Variants in MDGA2 observed in about 807,000 individuals in gnomAD.
MDGA2 encodes MAM domain-containing glycosylphosphatidylinositol anchor protein 2.
In MDGA2, 40 loss-of-function variants were observed where a neutral mutation model predicts 117.8. The observed-to-expected ratio is 0.34, with a 90% CI of 0.26 to 0.44. The LOEUF is 0.44. Ranked by LOEUF, MDGA2 falls within the 20% of genes least tolerant of loss-of-function variation. MDGA2 has a pLI of 1.00. For synonymous variants in MDGA2, 452 were observed against 439.0 expected (o/e 1.03, Z -0.37); for missense variants, 1,123 against 1,250.6 (o/e 0.90, Z 1.54).
chr14:46,960,779 AT>A (rs1347833770), intron 8 of MDGA2, among the ~76,000 whole-genome samples: 6 of 147,702 alleles, frequency 4.1e-5, no homozygotes, highest in Non-Finnish European at 8.9e-5. Flanking sequence ...TTGTGTACAT[AT>A]TATACATATA....
At chr14:47,084,057 A>C (rs1172689542) in intron 6 of MDGA2, among the ~76,000 whole-genome samples, 1 of 152,174 alleles carries the variant, frequency 6.6e-6, no homozygotes, top group Non-Finnish European at 1.5e-5. Flanking sequence ...ATAGAACTCA[A>C]CTAATAGTAT....
chr14:47,602,788 G>A, intron 1 of MDGA2, among the ~76,000 whole-genome samples: 1 of 152,140 alleles, frequency 6.6e-6, no homozygotes, highest in East Asian at 1.9e-4. Context: ...CCCTTATTCA[G>A]GGCTCAAGGA....
At chr14:47,343,117 G>A (rs1890682228) in intron 1 of MDGA2, 1 of 1,233,816 alleles carries the variant, frequency 8.1e-7, no homozygotes. Flanking sequence ...CCAGATGCTC[G>A]AGGCACACAA....
intron 1 of MDGA2, among the ~76,000 whole-genome samples, chr14:47,650,613 G>T (rs190805726): frequency 2.0e-5 from 3 of 152,228 alleles, no homozygotes; most frequent in East Asian, 3.9e-4. Context: ...CCTGTCCAGG[G>T]TTGCTTCCCA....
At chr14:47,275,468 T>G (rs1246773660) in intron 2 of MDGA2, among the ~76,000 whole-genome samples, 1 of 152,152 alleles carries the variant, frequency 6.6e-6, no homozygotes, top group Admixed American at 6.5e-5. Context: ...TATATTTCTT[T>G]AAATAATTAA....
chr14:47,335,284 TAAA>T lies in MDGA2; in HGVS notation c.281-33737_281-33735del, dbSNP rs35051327. On this transcript the variant is annotated intron_variant, in intron 1 of 16. Transcript: ENST00000399232. ...ACACAGAAAAAAAAAAAGTATATGG[TAAA>T]AAAAAAAAAAAAAAAAGGTTTCCGT... 2.7e-3 allele frequency among the ~76,000 whole-genome samples: 289 copies of T among 107,808 alleles called. 2 individuals carry two copies. In the Middle Eastern group the frequency reaches 0.028, roughly 10 times the overall value. 70.7% of individuals were successfully genotyped at this position (107,808 alleles called of 152,430 possible).
intron 8 of MDGA2, 56 bp from the exon 9 acceptor site, chr14:46,957,699 G>T: frequency 6.3e-7 from 1 of 1,592,562 alleles, no homozygotes; most frequent in Non-Finnish European, 8.6e-7. Context: ...TAAGCCAAAA[G>T]CTACTCTTAT....
chr14:47,673,600 T>C (rs556103512), intron 1 of MDGA2, among the ~76,000 whole-genome samples: 7 of 150,614 alleles, frequency 4.6e-5, no homozygotes, highest in East Asian at 2.0e-4. Flanking sequence ...AGAGAAGACA[T>C]ACATTTTAGT....
chr14:47,156,522 T>G (rs772974734), intron 3 of MDGA2, among the ~76,000 whole-genome samples: 1 of 152,352 alleles, frequency 6.6e-6, no homozygotes, highest in South Asian at 2.1e-4. Context: ...GGCTTATGAT[T>G]AATCAGTTAT....
At chr14:47,179,416 C>G (rs995139) in intron 3 of MDGA2, among the ~76,000 whole-genome samples, 62,245 of 151,464 alleles carry the variant, frequency 0.41, 13,173 homozygotes, top group African/African-American at 0.51. Flanking sequence ...TTTCATAACT[C>G]TTTGACTTTT....
At chr14:46,920,710 C>T (rs940791143) in intron 9 of MDGA2, among the ~76,000 whole-genome samples, 5 of 152,012 alleles carry the variant, frequency 3.3e-5, no homozygotes, top group African/African-American at 1.2e-4. Context: ...CACACCGATG[C>T]CTGAGAGGGA....
At chr14:47,364,039 A>G (rs1891180335) in intron 1 of MDGA2, among the ~76,000 whole-genome samples, 1 of 151,878 alleles carries the variant, frequency 6.6e-6, no homozygotes, top group African/African-American at 2.4e-5. Context: ...GACAAAAATA[A>G]AAGAGGACCT....
At chr14:46,949,628 T>C (rs1312808328) in intron 9 of MDGA2, among the ~76,000 whole-genome samples, 1 of 151,994 alleles carries the variant, frequency 6.6e-6, no homozygotes, top group African/African-American at 2.4e-5. Flanking sequence ...TGTTTCTGAG[T>C]GATTTCACTT....
intron 1 of MDGA2, among the ~76,000 whole-genome samples, chr14:47,621,913 G>A (rs374775580): frequency 1.9e-4 from 29 of 152,176 alleles, no homozygotes; most frequent in African/African-American, 7.0e-4. Flanking sequence ...GCATGATGTA[G>A]AGAAAACTAA....
At chr14:47,193,117 T>C (rs1047897691) in intron 3 of MDGA2, among the ~76,000 whole-genome samples, 1 of 152,340 alleles carries the variant, frequency 6.6e-6, no homozygotes, top group African/African-American at 2.4e-5. Flanking sequence ...AGTATTATCT[T>C]TCTTGGAAAA....
intron 1 of MDGA2, among the ~76,000 whole-genome samples, chr14:47,417,588 C>A (rs895538260): frequency 2.0e-5 from 3 of 152,152 alleles, no homozygotes; most frequent in Non-Finnish European, 4.4e-5. Context: ...CCTCTCACAG[C>A]AATGTAGGCT....
At position 47,035,045 on chromosome 14, in the gene MDGA2, T is replaced by G; in HGVS notation, c.1785A>C (p.Lys595Asn). ...QTSQYNGFNV[K>N]PREALVQLIV... ...TGAGCTGCACCAAGGCTTCCCTTGG[T>G]TTCACGTTAAATCCATTGTATTGGC... The change falls in exon 8 of 17, where the codon AAA (lysine) becomes AAC (asparagine). Residue 595 changes from lysine (K) to asparagine (N), a missense_variant. Lys to Asn is a moderately conservative substitution (Grantham distance 94). Coordinates refer to ENST00000399232, the MANE Select transcript of MDGA2 (RefSeq NM_001113498.3). 1 of 1,613,984 alleles carries G rather than the reference T, an allele frequency of 6.2e-7. No homozygotes were observed. The highest frequency in any genetic ancestry group is 8.5e-7 in the Non-Finnish European group (1 of 1,179,934).
At chr14:47,189,411 C>T (rs982355512) in intron 3 of MDGA2, among the ~76,000 whole-genome samples, 7 of 151,938 alleles carry the variant, frequency 4.6e-5, no homozygotes, top group Admixed American at 2.0e-4. Flanking sequence ...CCCACAGCCA[C>T]GGAATATAGT....
chr14:47,590,930 T>G (rs1196002103), intron 1 of MDGA2, among the ~76,000 whole-genome samples: 4 of 151,996 alleles, frequency 2.6e-5, no homozygotes, highest in African/African-American at 9.7e-5. Flanking sequence ...TTCCATTGAC[T>G]TCACAAAGTA....
Sources: allele counts gnomAD v4.1 joint callset (sites outside exome capture counted in the v4.1 genomes callset), GRCh38; gene constraint gnomAD v4.1.1; transcripts MANE v1.5; gene names NCBI Gene and HGNC (gene_info 2026-07-23, HGNC 2026-07-21).